The following PCDHA1 variants were observed in gnomAD, a reference collection of about 807,000 sequenced individuals.
PCDHA1 encodes protocadherin alpha-1.
A neutral mutation model predicts 61.3 loss-of-function variants in PCDHA1; 42 were observed. That is an observed-to-expected ratio of 0.69 (90% CI 0.54 to 0.89). PCDHA1 has a LOEUF of 0.89. Among genes scored for constraint, PCDHA1 ranks in the 40% least tolerant of loss-of-function variants. The probability of loss-of-function intolerance (pLI) is 0.00; values close to 1 mark genes in which losing one functional copy is unlikely to be tolerated. For missense variants in PCDHA1, 1,256 were observed against 1,235.3 expected, an observed-to-expected ratio of 1.02 and a Z score of -0.25; for synonymous variants, 610 against 553.8, an observed-to-expected ratio of 1.10 and a Z score of -1.43.
intron 1 of PCDHA1, chr5:140,868,954 C>G: frequency 7.4e-7 from 1 of 1,348,952 alleles, no homozygotes; most frequent in Non-Finnish European, 1.0e-6. Flanking sequence ...GTGAGGCACT[C>G]CCATACAAAG....
intron 1 of PCDHA1, chr5:140,822,494 A>G: frequency 6.2e-7 from 1 of 1,613,882 alleles, no homozygotes; most frequent in Non-Finnish European, 8.5e-7. Context: ...AACGCCCCAG[A>G]ATTTGATAAA....
intron 1 of PCDHA1, chr5:140,808,965 A>C (rs1554124924): frequency 1.9e-6 from 3 of 1,613,528 alleles, no homozygotes; most frequent in Admixed American, 1.7e-5. Flanking sequence ...GTGGTGGCAA[A>C]GGTGCGCGCG....
At chr5:140,794,705 G>A (rs569135404) in intron 1 of PCDHA1, 1 of 446,410 alleles carries the variant, frequency 2.2e-6, no homozygotes, top group African/African-American at 2.0e-5. Context: ...TTTTTTCCAA[G>A]ATGAAAGCTA....
rs991591970 is a variant in PCDHA1, at chr5:140,855,546, A to G, written c.2394+66862A>G. Reference sequence around the variant, plus strand: ...GAAAGAGAAGTAAGTTAAGTGTCAGAACTTAAATGGAACTAAAGTTGTCAT... The same window carrying G: ...GAAAGAGAAGTAAGTTAAGTGTCAGGACTTAAATGGAACTAAAGTTGTCAT... On this transcript the variant is annotated intron_variant, in intron 1 of 3. Coordinates refer to ENST00000504120, the MANE Select transcript of PCDHA1 (RefSeq NM_018900.4). Among the ~76,000 whole-genome samples the G allele has an allele frequency of 1.2e-4, 18 of 150,024 alleles. 2 individuals carry two copies. The highest frequency in any genetic ancestry group is 1.8e-4 in the Non-Finnish European group (12 of 67,114).
intron 1 of PCDHA1, chr5:140,861,390 C>G (rs970688451): frequency 2.0e-5 from 9 of 450,942 alleles, no homozygotes; most frequent in Admixed American, 6.9e-5. Flanking sequence ...GGACCTGGGT[C>G]TGGAGCTTGT....
chr5:140,843,046 C>T lies in PCDHA1; in HGVS notation c.2394+54362C>T, dbSNP rs2150350953. ...AGCCTCGGGTGGGTGGCACTGGTGGCGCAGCGAGCAAGCTGGTGCCGCGGT... is the reference window on the plus strand; with the variant it reads ...AGCCTCGGGTGGGTGGCACTGGTGGTGCAGCGAGCAAGCTGGTGCCGCGGT... On this transcript the variant is annotated intron_variant, in intron 1 of 3. Transcript: ENST00000504120. The T allele has an allele frequency of 2.5e-6, 4 of 1,594,998 alleles. 1 individual carries two copies. The highest frequency in any genetic ancestry group is 1.7e-5 in the Admixed American group (1 of 59,286).
intron 1 of PCDHA1, chr5:140,852,492 G>T (rs972287680): frequency 4.6e-6 from 1 of 217,062 alleles, no homozygotes; most frequent in Non-Finnish European, 8.5e-6. Context: ...TGGCCAGGTT[G>T]GTCTCGAACT....
Position 140,823,155 on chromosome 5 carries a change from C to T in PCDHA1, c.2394+34471C>T, listed in dbSNP as rs142802947. The T allele has an allele frequency of 2.5e-6, 4 of 1,613,730 alleles. No individual in the cohort carries two copies. In the South Asian group the frequency reaches 3.3e-5, roughly 13 times the overall value. ...CGGCGTTCGCGCAGCCCCAGTATACCGTGTTCGTGAAGGAGAACAACCCGC... is the reference window on the plus strand; with the variant it reads ...CGGCGTTCGCGCAGCCCCAGTATACTGTGTTCGTGAAGGAGAACAACCCGC... On this transcript the variant is annotated intron_variant, in intron 1 of 3. Transcript: ENST00000504120.
chr5:140,884,512 G>T (rs782026771), intron 1 of PCDHA1: 1 of 1,614,202 alleles, frequency 6.2e-7, no homozygotes, highest in South Asian at 1.1e-5. Flanking sequence ...CAGGGAGTTG[G>T]TCGTACTCGC....
At chr5:140,958,069 A>C (rs2095407625) in intron 1 of PCDHA1, among the ~76,000 whole-genome samples, 1 of 152,104 alleles carries the variant, frequency 6.6e-6, no homozygotes. Flanking sequence ...AAAAACACAG[A>C]AGCAAAAAGT....
At chr5:140,984,041 T>A (rs1440161569) in intron 3 of PCDHA1, among the ~76,000 whole-genome samples, 1 of 152,196 alleles carries the variant, frequency 6.6e-6, no homozygotes, top group Non-Finnish European at 1.5e-5. Flanking sequence ...CATAAAATAG[T>A]TCATTGACAA....
At chr5:140,854,418 TA>T (rs1235351713) in intron 1 of PCDHA1, 1 of 151,722 alleles carries the variant, frequency 6.6e-6, no homozygotes, top group Non-Finnish European at 1.5e-5. Flanking sequence ...AAGTAATCTC[TA>T]AAATCAGAAT....
At chr5:140,829,450 G>T (rs2150168198) in intron 1 of PCDHA1, 1 of 1,613,936 alleles carries the variant, frequency 6.2e-7, no homozygotes, top group Non-Finnish European at 8.5e-7. Context: ...ACAATGCTCC[G>T]GCGTTCGCGC....
At chr5:140,822,513 T>A (rs563348993) in intron 1 of PCDHA1, 1 of 1,613,844 alleles carries the variant, frequency 6.2e-7, no homozygotes, top group Non-Finnish European at 8.5e-7. Context: ...AATCCATTTA[T>A]AATGTCAGAT....
intron 1 of PCDHA1, chr5:140,842,938 C>A: frequency 1.3e-6 from 2 of 1,594,552 alleles, no homozygotes; most frequent in East Asian, 2.2e-5. Context: ...GCGCGCGCGA[C>A]GCGGGCGTGC....
chr5:140,852,789 C>T, intron 1 of PCDHA1: 1 of 977,530 alleles, frequency 1.0e-6, no homozygotes, highest in Non-Finnish European at 1.2e-6. Context: ...TAGAGGGATG[C>T]TACAGATGTC....
rs199809889 is a variant in PCDHA1, at chr5:140,883,348, A to C, written c.2394+94664A>C. On this transcript the variant is annotated intron_variant, in intron 1 of 3. Transcript: ENST00000504120. ...TCACTTCTTTGTCACTCCCCATCAGAGAAGACACTCAGCCTAGCGCCATTA... is the reference window on the plus strand; with the variant it reads ...TCACTTCTTTGTCACTCCCCATCAGCGAAGACACTCAGCCTAGCGCCATTA... The C allele has an allele frequency of 1.9e-6, 3 of 1,614,172 alleles. No homozygotes were observed. In the African/African-American group the frequency reaches 4.0e-5, roughly 22 times the overall value.
In PCDHA1 at chr5:140,877,160, C is replaced by A. The variant is rs782531082; in HGVS notation, c.2394+88476C>A. 4 of 1,613,814 alleles carry A rather than the reference C, an allele frequency of 2.5e-6. No individual in the cohort carries two copies. Among genetic ancestry groups the A allele is most frequent in the African/African-American group, 2.7e-5 (2 of 75,052 alleles). On this transcript the variant is annotated intron_variant, in intron 1 of 3. Transcript: ENST00000504120. ...GTGCTGGACGAGAACGACAACGCGC[C>A]GGCACTGCTGGCGACTCCGGCTGGC...
Position 140,873,293 on chromosome 5 carries a change from A to G in PCDHA1, c.2394+84609A>G, listed in dbSNP as rs189607123. Reference sequence around the variant, plus strand: ...ACCATCATACCACTTATGAAACTTTATAAATATAATAAAGGTGAATATTAG... The same window carrying G: ...ACCATCATACCACTTATGAAACTTTGTAAATATAATAAAGGTGAATATTAG... On this transcript the variant is annotated intron_variant, in intron 1 of 3. Transcript: ENST00000504120. Among the ~76,000 whole-genome samples, 54 of 152,366 alleles carry G rather than the reference A, an allele frequency of 3.5e-4. No homozygotes were observed. In the East Asian group the frequency reaches 0.01, roughly 29 times the overall value.
Sources: allele counts gnomAD v4.1 joint callset (sites outside exome capture counted in the v4.1 genomes callset), GRCh38; gene constraint gnomAD v4.1.1; transcripts MANE v1.5; gene names NCBI Gene and HGNC (gene_info 2026-07-23, HGNC 2026-07-21).